LCA5L: variants seen among roughly 807,000 people sequenced by gnomAD.
LCA5L encodes lebercilin LCA5 like.
A neutral mutation model predicts 45.4 loss-of-function variants in LCA5L; 35 were observed. That is an observed-to-expected ratio of 0.77 (90% confidence interval 0.59 to 1.02). The LOEUF is 1.02. Among genes scored for constraint, LCA5L ranks in the 50% least tolerant of loss-of-function variants. The pLI, the probability that LCA5L is intolerant of heterozygous loss-of-function variation, is 0.00. For synonymous variants in LCA5L, 233 were observed against 264.7 expected, an observed-to-expected ratio of 0.88 and a Z score of 1.16; for missense variants, 668 against 761.6, an observed-to-expected ratio of 0.88 and a Z score of 1.45.
rs1420927421 is a variant in LCA5L at position 39,405,820 on chromosome 21, A to ATC, written c.*61_*62insGA. 8 of 1,250,906 alleles carry ATC rather than the reference A, an allele frequency of 6.4e-6. No homozygotes were observed. Among genetic ancestry groups the ATC allele is most frequent in the Middle Eastern group, 5.5e-4 (2 of 3,616 alleles). The allele number at this position is 1,250,906 out of a possible 1,614,324, so 77.5% of individuals were successfully genotyped here. On this transcript the variant is annotated 3_prime_UTR_variant, in exon 11 of 11. Coordinates refer to ENST00000288350, the MANE Select transcript of LCA5L (RefSeq NM_152505.4). ...TCCCTCTCTCACACATTTCAAAAAT[A>ATC]AGATGCAAGGCACATAAGCAGCATT...
rs537924812 is a variant in LCA5L, at chr21:39,420,823, C to T, written c.858G>A (p.Arg286=). The change falls in exon 7 of 11, where the codon AGG becomes AGA. Residue 286 remains arginine, a synonymous_variant. Coordinates refer to ENST00000288350, the MANE Select transcript of LCA5L (RefSeq NM_152505.4). ...KKIQSLEKQL[R]LNCRAFSRQL... is the part of the protein sequence containing the mutation. The stretch of plus-strand genomic sequence containing the variant: ...GCCGGCTAAAGGCTCTGCAGTTCAA[C>T]CTCAGTTGTTTTTCCAAGCTCTGAA... 8.1e-6 allele frequency: 13 copies of T among 1,612,516 alleles called. No homozygotes were observed. The highest frequency in any genetic ancestry group is 1.7e-5 in the Admixed American group (1 of 59,922).
Position 39,428,356 on chromosome 21 carries a change from A to AT in LCA5L, c.137dup (p.Asn46LysfsTer2). On this transcript the variant is annotated frameshift_variant, in exon 5 of 11. Transcript: ENST00000288350. LOFTEE classifies it high-confidence loss of function. ...GAGATCTGCTATAATCAACACTCTTATTGGAAGCATTACTGTTCCGTGAAA... is the reference window on the plus strand; with the variant it reads ...GAGATCTGCTATAATCAACACTCTTATTTGGAAGCATTACTGTTCCGTGAAA... 1 of 1,613,554 alleles carries AT rather than the reference A, an allele frequency of 6.2e-7. No individual in the cohort carries two copies. Among genetic ancestry groups the AT allele is most frequent in the African/African-American group, 1.3e-5 (1 of 74,920 alleles).
chr21:39,414,834 A>G (rs1198677223), intron 7 of LCA5L, among the ~76,000 whole-genome samples: 2 of 151,818 alleles, frequency 1.3e-5, no homozygotes, highest in Admixed American at 6.6e-5. Context: ...ATCTACAAAA[A>G]AGAAAAACCC....
At chr21:39,416,832 C>A (rs2041262179) in intron 7 of LCA5L, among the ~76,000 whole-genome samples, 1 of 152,116 alleles carries the variant, frequency 6.6e-6, no homozygotes, top group South Asian at 2.1e-4. Flanking sequence ...TTATTTGTGT[C>A]CTTACAGTGT....
intron 5 of LCA5L, among the ~76,000 whole-genome samples, chr21:39,427,459 G>C (rs980943774): frequency 6.6e-6 from 1 of 151,956 alleles, no homozygotes; most frequent in South Asian, 2.1e-4. Flanking sequence ...TCAGGAGATC[G>C]AGACCATCCT....
At chr21:39,412,896 C>T (rs1044241965) in intron 7 of LCA5L, among the ~76,000 whole-genome samples, 2 of 152,204 alleles carry the variant, frequency 1.3e-5, no homozygotes, top group Non-Finnish European at 2.9e-5. Flanking sequence ...GCTTCCCTTA[C>T]CCTTGCAACC....
At position 39,409,905 on chromosome 21, in the gene LCA5L, G is replaced by T; in HGVS notation, c.1282+74C>A. The T allele has an allele frequency of 1.2e-6, 1 of 866,708 alleles. No homozygotes were observed. The highest frequency in any genetic ancestry group is 1.8e-6 in the Non-Finnish European group (1 of 550,610). The allele number at this position is 866,708 out of a possible 1,614,324, so 53.7% of individuals were successfully genotyped here. Reference sequence around the variant, plus strand: ...TGCCATGCCCAGCTGTTTTATGTGTGCTTTATATACACATATAGTAATTCA... The same window carrying T: ...TGCCATGCCCAGCTGTTTTATGTGTTCTTTATATACACATATAGTAATTCA... On this transcript the variant is annotated intron_variant, in intron 10 of 10. Transcript: ENST00000288350. The surrounding 1 kb of genome is among the most constrained non-coding windows in gnomAD (Gnocchi z 4.2).
At chr21:39,406,700 C>A (rs116678860) in intron 10 of LCA5L, 88 bp from the exon 11 acceptor site, 16 of 987,592 alleles carry the variant, frequency 1.6e-5, no homozygotes, top group Non-Finnish European at 2.4e-5. Context: ...TTACGTGCAC[C>A]GCCTCACAAG....
intron 2 of LCA5L, chr21:39,439,026 G>T (rs921192976): frequency 6.6e-6 from 1 of 152,196 alleles, no homozygotes; most frequent in Non-Finnish European, 1.5e-5. Context: ...CTTTGCAGAT[G>T]TGATCAGTTT....
Position 39,409,928 on chromosome 21 carries a change from T to G in LCA5L, c.1282+51A>C. 2 of 1,061,750 alleles carry G rather than the reference T, an allele frequency of 1.9e-6. No homozygotes were observed. The highest frequency in any genetic ancestry group is 2.7e-5 in the South Asian group (2 of 73,172). 65.8% of individuals were successfully genotyped at this position (1,061,750 alleles called of 1,614,324 possible). A position where few individuals can be genotyped will look rare whatever the true frequency, so the allele number is the denominator to read the frequency against. Reference sequence around the variant, plus strand: ...GTGCTTTATATACACATATAGTAATTCACAATTTTAAAGAAATCAGATAAG... The same window carrying G: ...GTGCTTTATATACACATATAGTAATGCACAATTTTAAAGAAATCAGATAAG... On this transcript the variant is annotated intron_variant, in intron 10 of 10. Transcript: ENST00000288350. The surrounding 1 kb of genome is among the most constrained non-coding windows in gnomAD (Gnocchi z 4.2).
At chr21:39,436,829 C>A (rs934046959) in intron 2 of LCA5L, among the ~76,000 whole-genome samples, 1 of 152,126 alleles carries the variant, frequency 6.6e-6, no homozygotes, top group Non-Finnish European at 1.5e-5. Context: ...GGAAAAAAAA[C>A]TTACTCAGCA....
chr21:39,428,599 T>TATATATATATATA lies in LCA5L; in HGVS notation c.-10-97_-10-96insTATATATATATAT, dbSNP rs59297439. On this transcript the variant is annotated intron_variant, in intron 4 of 10. Coordinates refer to ENST00000288350, the MANE Select transcript of LCA5L (RefSeq NM_152505.4). ...TATTTTATATATATATATATATATATTTTTTTTTTTTTTTTTTTTTTTTTT... is the reference window on the plus strand; with the variant it reads ...TATTTTATATATATATATATATATATATATATATATATATTTTTTTTTTTTTTTTTTTTTTTTT... 2.2e-3 allele frequency: 43 copies of TATATATATATATA among 19,754 alleles called. 2 individuals carry two copies. Among genetic ancestry groups the TATATATATATATA allele is most frequent in the African/African-American group, 4.1e-3 (17 of 4,128 alleles). 1.2% of individuals were successfully genotyped at this position (19,754 alleles called of 1,614,324 possible).
chr21:39,441,769 G>A (rs1346603601), intron 2 of LCA5L, among the ~76,000 whole-genome samples: 19 of 152,148 alleles, frequency 1.2e-4, no homozygotes, highest in Admixed American at 1.1e-3. Flanking sequence ...CCCGTTTTTA[G>A]CTACCCTGAC....
At chr21:39,424,763 G>GCA (rs1203531817) in intron 5 of LCA5L, among the ~76,000 whole-genome samples, 2 of 152,056 alleles carry the variant, frequency 1.3e-5, no homozygotes, top group African/African-American at 4.8e-5. Context: ...CTGTTACTTT[G>GCA]GCTGGGCACC....
rs1347655099 is a variant in LCA5L at position 39,406,388 on chromosome 21, C to T, written c.1507G>A (p.Asp503Asn). The T allele has an allele frequency of 1.9e-6, 3 of 1,613,588 alleles. No homozygotes were observed. The highest frequency in any genetic ancestry group is 2.2e-5 in the South Asian group (2 of 91,046). Residue 503 changes from aspartate (D) to asparagine (N), a missense_variant, in exon 11 of 11, where the codon GAT becomes AAT. Transcript: ENST00000288350. ...FKRSMQRNGV[D>N]DTLGKGTAPY... is the part of the protein sequence containing the mutation. ...GCAGTGCCTTTGCCAAGTGTGTCAT[C>T]CACACCATTTCTCTGCATGCTTCTT... is the stretch of plus-strand genomic sequence containing the variant.
chr21:39,440,362 C>T (rs1001980037), intron 2 of LCA5L, among the ~76,000 whole-genome samples: 1 of 152,064 alleles, frequency 6.6e-6, no homozygotes, highest in Admixed American at 6.6e-5. Context: ...AAGGAGGATA[C>T]ATCAGCCTGA....
At position 39,406,566 on chromosome 21, in the gene LCA5L, C is replaced by A. The variant is rs1428360978; in HGVS notation, c.1329G>T (p.Glu443Asp). ...TTTTGTCTTTTTGTCTTCCAGTATT[C>A]TCCAGCAGTATTTGGACTTCCAAAT... ...EKHLEVQILLENTGRQKDKKE... is the reference protein window; with the variant it reads ...EKHLEVQILLDNTGRQKDKKE... Residue 443 changes from glutamate (E) to aspartate (D), a missense_variant, in exon 11 of 11, where the codon GAG becomes GAT. By Grantham distance (45) the Glu-to-Asp change is conservative (BLOSUM62 2). Coordinates refer to ENST00000288350, the MANE Select transcript of LCA5L (RefSeq NM_152505.4). 3 of 1,604,838 alleles carry A rather than the reference C, an allele frequency of 1.9e-6. No homozygotes were observed. The highest frequency in any genetic ancestry group is 2.5e-6 in the Non-Finnish European group (3 of 1,176,858).
At chr21:39,411,417 C>CAGATA (rs772629806) in intron 8 of LCA5L, among the ~76,000 whole-genome samples, 8 of 152,156 alleles carry the variant, frequency 5.3e-5, no homozygotes, top group Non-Finnish European at 1.2e-4. Context: ...CACTGGCTAA[C>CAGATA]AGATACACTT....
intron 9 of LCA5L, 40 bp downstream of exon 9, chr21:39,410,224 A>G (rs763938639): frequency 9.9e-6 from 13 of 1,318,660 alleles, no homozygotes; most frequent in Non-Finnish European, 2.2e-6. Context: ...TTGTTAAGAC[A>G]TGTTTAATCA....
Sources: gnomAD v4.1 joint callset for allele counts (sites outside exome capture counted in the v4.1 genomes callset) on GRCh38, gnomAD v4.1.1 for gene constraint, Gnocchi (gnomAD v3.1) non-coding constraint, MANE v1.5 for transcripts, NCBI Gene and HGNC (gene_info 2026-07-23, HGNC 2026-07-21) for gene names.